The following FAM53B variants were observed in gnomAD, a reference collection of about 807,000 sequenced individuals.
FAM53B encodes the protein family with sequence similarity 53 member B.
In FAM53B, 12 loss-of-function variants were observed where a neutral mutation model predicts 32.7. That is an observed-to-expected ratio of 0.37 (90% CI 0.24 to 0.59). The LOEUF (loss-of-function observed/expected upper bound fraction) is 0.59. FAM53B is among the 20% of genes least tolerant of loss of function. The pLI, the probability that FAM53B is intolerant of heterozygous loss-of-function variation, is 0.72. For missense variants in FAM53B, 477 were observed against 577.7 expected (o/e 0.83, Z 1.79); for synonymous variants, 234 against 228.7 (o/e 1.02, Z -0.21).
In FAM53B at chr10:124,620,361, C is replaced by CCCG. The variant is rs1554901005; in HGVS notation, c.*2880_*2881insCGG. 1 of 145,082 alleles carries CCCG rather than the reference C, an allele frequency of 6.9e-6. No homozygotes were observed. The highest frequency in any genetic ancestry group is 2.5e-5 in the African/African-American group (1 of 39,390). The allele number at this position is 145,082 out of a possible 1,614,324, so 9.0% of individuals were successfully genotyped here. A position where few individuals can be genotyped will look rare whatever the true frequency, so the allele number is the denominator to read the frequency against. ...GGGGTGCATGTGGCACTAAGCCCCCCCCACCGCCCCGGCTTTCCTGCAGGC... is the reference window on the plus strand; with the variant it reads ...GGGGTGCATGTGGCACTAAGCCCCCCCCGCCACCGCCCCGGCTTTCCTGCAGGC... On this transcript the variant is annotated 3_prime_UTR_variant, in exon 5 of 5. Coordinates refer to ENST00000337318, the MANE Select transcript of FAM53B (RefSeq NM_014661.4).
chr10:124,704,461 G>A (rs1949936461), intron 2 of FAM53B: 1 of 152,424 alleles, frequency 6.6e-6, no homozygotes, highest in Admixed American at 6.5e-5. Flanking sequence ...AGAAAGTGTG[G>A]TGGGGGTAAG....
chr10:124,661,511 G>A (rs1949631391), intron 4 of FAM53B, among the ~76,000 whole-genome samples: 1 of 152,238 alleles, frequency 6.6e-6, no homozygotes, highest in Non-Finnish European at 1.5e-5. Context: ...AGCTGCGCCT[G>A]TCCTGTGCTT....
chr10:124,705,870 G>T (rs1445882321), intron 2 of FAM53B, among the ~76,000 whole-genome samples: 1 of 152,244 alleles, frequency 6.6e-6, no homozygotes, highest in Non-Finnish European at 1.5e-5. Context: ...GCCAGGAGGG[G>T]TCCTGGGCAA....
intron 1 of FAM53B, among the ~76,000 whole-genome samples, chr10:124,718,894 A>C (rs960342276): frequency 6.6e-6 from 1 of 152,206 alleles, no homozygotes; most frequent in Non-Finnish European, 1.5e-5. Context: ...TAAAAAATTT[A>C]AAAAATAGCC....
intron 4 of FAM53B, among the ~76,000 whole-genome samples, chr10:124,673,853 T>C (rs1949721458): frequency 6.6e-6 from 1 of 152,214 alleles, no homozygotes; most frequent in South Asian, 2.1e-4. Context: ...TCTAGGAACC[T>C]GCAGTGTGTT....
chr10:124,680,910 G>T (rs1013867722), intron 4 of FAM53B, among the ~76,000 whole-genome samples: 1 of 152,190 alleles, frequency 6.6e-6, no homozygotes, highest in Non-Finnish European at 1.5e-5. Flanking sequence ...GCTCAGAGAC[G>T]CTCCTGATGA....
chr10:124,709,679 G>A (rs1258491994), intron 1 of FAM53B, among the ~76,000 whole-genome samples: 10 of 152,112 alleles, frequency 6.6e-5, no homozygotes, highest in African/African-American at 2.4e-4. Context: ...ACATTACGGT[G>A]TTGTTACATA....
rs1407089211 is a variant in FAM53B at position 124,619,414 on chromosome 10, A to G, written c.*3828T>C. On this transcript the variant is annotated 3_prime_UTR_variant, in exon 5 of 5. Transcript: ENST00000337318. ...GGGAGGCCAGGCTGCAGGGGCGGGC[A>G]GACCCTGGGCCCCGGGTCTACGCTT... The G allele has an allele frequency of 6.6e-6, 1 of 152,562 alleles. No homozygotes were observed. Among genetic ancestry groups the G allele is most frequent in the Non-Finnish European group, 1.5e-5 (1 of 68,046 alleles). The allele number at this position is 152,562 out of a possible 1,614,324, so 9.5% of individuals were successfully genotyped here.
rs948186451 is a variant in FAM53B, at chr10:124,626,402, C to A, written c.907-2798G>T. Among the ~76,000 whole-genome samples, 6 of 136,764 alleles carry A rather than the reference C, an allele frequency of 4.4e-5. No homozygotes were observed. In the South Asian group the frequency reaches 9.6e-4, roughly 22 times the overall value. 89.7% of individuals were successfully genotyped at this position (136,764 alleles called of 152,430 possible). A position where few individuals can be genotyped will look rare whatever the true frequency, so the allele number is the denominator to read the frequency against. ...TCGAAATTTGTGCCCCCCCCCCCCC[C>A]ACCATTCCTCAGTGCAAAAGGTGGG... On this transcript the variant is annotated intron_variant, in intron 4 of 4. Coordinates refer to ENST00000337318, the MANE Select transcript of FAM53B (RefSeq NM_014661.4).
At chr10:124,692,567 T>C (rs1416550695) in intron 3 of FAM53B, among the ~76,000 whole-genome samples, 1 of 151,602 alleles carries the variant, frequency 6.6e-6, no homozygotes, top group African/African-American at 2.4e-5. Context: ...ATACAAAAAT[T>C]AGCCGGGCAT....
In FAM53B at chr10:124,621,338, A is replaced by C. The variant is rs1241958568; in HGVS notation, c.*1904T>G. On this transcript the variant is annotated 3_prime_UTR_variant, in exon 5 of 5. Coordinates refer to ENST00000337318, the MANE Select transcript of FAM53B (RefSeq NM_014661.4). ...TTTGCTCTAAGAAGACATGGTCTCC[A>C]TGACCCCCAGGCAGGGACAGGCCAA... 6.6e-6 allele frequency: 1 copy of C among 152,352 alleles called. No individual in the cohort carries two copies. Among genetic ancestry groups the C allele is most frequent in the Non-Finnish European group, 1.5e-5 (1 of 68,112 alleles). The allele number at this position is 152,352 out of a possible 1,614,324, so 9.4% of individuals were successfully genotyped here.
chr10:124,690,493 C>A (rs896282076), intron 3 of FAM53B, among the ~76,000 whole-genome samples: 2 of 152,252 alleles, frequency 1.3e-5, no homozygotes, highest in Admixed American at 6.5e-5. Flanking sequence ...TGGCAGTGGC[C>A]ATTCCCTGTC....
chr10:124,659,027 C>T (rs1489726529), intron 4 of FAM53B, among the ~76,000 whole-genome samples: 4 of 152,208 alleles, frequency 2.6e-5, no homozygotes, highest in Non-Finnish European at 5.9e-5. Context: ...CCTGGCATGA[C>T]AATAACAGTA....
chr10:124,630,868 G>A (rs770375432), intron 4 of FAM53B, among the ~76,000 whole-genome samples: 3 of 152,216 alleles, frequency 2.0e-5, no homozygotes, highest in Admixed American at 6.5e-5. Flanking sequence ...TGGTCACCCC[G>A]TTCCAGAAGC....
At chr10:124,688,702 T>C (rs765636302) in intron 3 of FAM53B, among the ~76,000 whole-genome samples, 16 of 152,168 alleles carry the variant, frequency 1.1e-4, no homozygotes, top group Admixed American at 9.2e-4. Flanking sequence ...ACCGTTTGAC[T>C]AAGAAGGGCA....
chr10:124,705,221 G>A (rs923417414), intron 2 of FAM53B, among the ~76,000 whole-genome samples: 1 of 152,210 alleles, frequency 6.6e-6, no homozygotes, highest in Non-Finnish European at 1.5e-5. Context: ...GACTGAGGGA[G>A]GGCCACCAAG....
At position 124,623,572 on chromosome 10, in the gene FAM53B, C is replaced by A; in HGVS notation, c.939G>T (p.Leu313=). 6.2e-7 allele frequency: 1 copy of A among 1,608,148 alleles called. No individual in the cohort carries two copies. The highest frequency in any genetic ancestry group is 8.5e-7 in the Non-Finnish European group (1 of 1,178,648). The change falls in exon 5 of 5, where the codon CTG becomes CTT. Residue 313 remains leucine (L), a synonymous_variant. Coordinates refer to ENST00000337318, the MANE Select transcript of FAM53B (RefSeq NM_014661.4). ...GACCGCAGTCCTCTGTCCCTGCGCTCAGGCAGCTGAGGCTGCTGAAGGTCT... is the reference window on the plus strand; with the variant it reads ...GACCGCAGTCCTCTGTCCCTGCGCTAAGGCAGCTGAGGCTGCTGAAGGTCT... ...NCQTFSSLSC[L]SAGTEDCGPQ... is the part of the protein sequence containing the mutation.
rs1949296704 is a variant in FAM53B at position 124,620,067 on chromosome 10, T to C, written c.*3175A>G. On this transcript the variant is annotated 3_prime_UTR_variant, in exon 5 of 5. Coordinates refer to ENST00000337318, the MANE Select transcript of FAM53B (RefSeq NM_014661.4). ...TTTTCTTTTTAATGTGGACTTCCCCTTTATTTAAATTTTCTTTCAGTGTAC... is the reference window on the plus strand; with the variant it reads ...TTTTCTTTTTAATGTGGACTTCCCCCTTATTTAAATTTTCTTTCAGTGTAC... 1 of 152,522 alleles carries C rather than the reference T, an allele frequency of 6.6e-6. No homozygotes were observed. The highest frequency in any genetic ancestry group is 6.5e-5 in the Admixed American group (1 of 15,292). The allele number at this position is 152,522 out of a possible 1,614,324, so 9.4% of individuals were successfully genotyped here. A position where few individuals can be genotyped will look rare whatever the true frequency, so the allele number is the denominator to read the frequency against.
At chr10:124,652,730 T>C (rs1304508885) in intron 4 of FAM53B, among the ~76,000 whole-genome samples, 1 of 152,146 alleles carries the variant, frequency 6.6e-6, no homozygotes, top group East Asian at 1.9e-4. Context: ...GCATTCCCCA[T>C]CTGTCCTATA....
Sources: allele counts gnomAD v4.1 joint callset (sites outside exome capture counted in the v4.1 genomes callset), GRCh38; gene constraint gnomAD v4.1.1; transcripts MANE v1.5; gene names NCBI Gene and HGNC (gene_info 2026-07-23, HGNC 2026-07-21).